The following RBFOX1 variants were observed in gnomAD, a reference collection of about 807,000 sequenced individuals.
The protein encoded by RBFOX1 is RNA binding fox-1 homolog 1.
A neutral mutation model predicts 57.7 loss-of-function variants in RBFOX1; 8 were observed. That is an observed-to-expected ratio of 0.14 (90% CI 0.08 to 0.25). RBFOX1 has a LOEUF of 0.25. RBFOX1 is among the 10% of genes least tolerant of loss of function. The pLI is 1.00. For synonymous variants in RBFOX1, 326 were observed against 222.4 expected, an observed-to-expected ratio of 1.47 and a Z score of -4.15; for missense variants, 611 against 548.5, an observed-to-expected ratio of 1.11 and a Z score of -1.14.
intron 4 of RBFOX1, among the ~76,000 whole-genome samples, chr16:7,079,201 G>A (rs116668047): frequency 6.6e-6 from 1 of 152,028 alleles, no homozygotes; most frequent in African/African-American, 2.4e-5. Context: ...CACCATCCAG[G>A]CGCGGGACTG....
In RBFOX1 at chr16:7,155,370, A is replaced by G. The variant is rs553539023; in HGVS notation, c.27+103272A>G. 9.2e-5 allele frequency among the ~76,000 whole-genome samples: 14 copies of G among 152,130 alleles called. No homozygotes were observed. The South Asian group carries it at 2.9e-3, about 32-fold the overall frequency. ...TTTGGGAGGTCGAGTTCAGTGGGTCACTTAAGCCAGGAGTTCAAAACCAGC... is the reference window on the plus strand; with the variant it reads ...TTTGGGAGGTCGAGTTCAGTGGGTCGCTTAAGCCAGGAGTTCAAAACCAGC... On this transcript the variant is annotated intron_variant, in intron 4 of 15. Coordinates refer to ENST00000550418, the MANE Select transcript of RBFOX1 (RefSeq NM_018723.4).
downstream of RBFOX1, among the ~76,000 whole-genome samples, chr16:5,600,318 A>G (rs962687468): frequency 1.3e-5 from 2 of 149,786 alleles, no homozygotes; most frequent in South Asian, 2.1e-4. Flanking sequence ...AAAAAAAATA[A>G]AAAAAAAACA....
intron 3 of RBFOX1, among the ~76,000 whole-genome samples, chr16:6,996,708 T>C (rs2092283091): frequency 6.6e-6 from 1 of 152,216 alleles, no homozygotes; most frequent in African/African-American, 2.4e-5. Flanking sequence ...CAATTGATAA[T>C]GCAGTGCTTC....
At chr16:6,441,679 A>G (rs1432058624) in intron 2 of RBFOX1, among the ~76,000 whole-genome samples, 1 of 152,054 alleles carries the variant, frequency 6.6e-6, no homozygotes, top group Non-Finnish European at 1.5e-5. Flanking sequence ...TGGCCTCTCA[A>G]AGTGCTCGGA....
At chr16:5,396,051 C>T (rs551452605) in intron 1 of RBFOX1, among the ~76,000 whole-genome samples, 2 of 152,298 alleles carry the variant, frequency 1.3e-5, no homozygotes, top group Admixed American at 6.5e-5. Context: ...CTAAGCCATG[C>T]CTAGACCTGT....
chr16:7,225,905 A>AATAAATATATATATATATATATATATAT (rs66510060), intron 4 of RBFOX1, among the ~76,000 whole-genome samples: 3 of 93,726 alleles, frequency 3.2e-5, no homozygotes, highest in African/African-American at 1.4e-4. Flanking sequence ...AAGTATAATA[A>AATAAATATATATATATATATATATATAT]ATATATATAT....
chr16:5,680,819 C>A (rs2050309071), intron 3 of RBFOX1, among the ~76,000 whole-genome samples: 2 of 152,210 alleles, frequency 1.3e-5, no homozygotes, highest in South Asian at 2.1e-4. Context: ...CTCTATGTCC[C>A]AGGCATAGTT....
intron 1 of RBFOX1, among the ~76,000 whole-genome samples, chr16:6,062,018 G>A (rs758967298): frequency 7.9e-5 from 12 of 152,118 alleles, no homozygotes; most frequent in Non-Finnish European, 1.5e-4. Context: ...TGATCGAGTG[G>A]CTTATAGAAC....
intron 1 of RBFOX1, among the ~76,000 whole-genome samples, chr16:6,235,601 TG>T (rs779685954): frequency 7.9e-5 from 12 of 151,238 alleles, no homozygotes; most frequent in Non-Finnish European, 1.6e-4. Context: ...TGTGTATACA[TG>T]ATGGGATATT....
chr16:6,296,657 T>A (rs2078151259), intron 1 of RBFOX1, among the ~76,000 whole-genome samples: 1 of 152,178 alleles, frequency 6.6e-6, no homozygotes, highest in South Asian at 2.1e-4. Flanking sequence ...CCTGACCTTG[T>A]GATCCACCTG....
chr16:5,935,252 C>G lies in RBFOX1; in HGVS notation c.351+67917C>G, dbSNP rs879423410. On this transcript the variant is annotated intron_variant, in intron 4 of 19. Transcript: ENST00000641259. ...GTGAGGTTAACAGATCAGGAAGTAT[C>G]TGCCATTGAAAAGATTGTTACTCAT... Among the ~76,000 whole-genome samples the G allele has an allele frequency of 7.9e-5, 12 of 152,178 alleles. No homozygotes were observed. In the East Asian group the frequency reaches 2.1e-3, roughly 27 times the overall value.
intron 4 of RBFOX1, among the ~76,000 whole-genome samples, chr16:7,387,483 G>T (rs8049753): frequency 0.45 from 68,811 of 151,938 alleles, 15,806 homozygotes; most frequent in East Asian, 0.55. Flanking sequence ...TAGCTGTCAG[G>T]ATTGTATCTC....
At chr16:7,704,089 G>C in intron 14 of RBFOX1, among the ~76,000 whole-genome samples, 1 of 152,192 alleles carries the variant, frequency 6.6e-6, no homozygotes, top group East Asian at 1.9e-4. Context: ...AAATGAGGAA[G>C]ATGAGGCTCA....
intron 2 of RBFOX1, among the ~76,000 whole-genome samples, chr16:6,365,092 C>CT (rs1258468346): frequency 3.7e-5 from 3 of 81,900 alleles, no homozygotes; most frequent in African/African-American, 2.7e-4. Flanking sequence ...GGGATTCACC[C>CT]TTAAAAAAAA....
intron 14 of RBFOX1, among the ~76,000 whole-genome samples, chr16:7,702,979 C>T (rs1373430957): frequency 6.6e-6 from 1 of 152,128 alleles, no homozygotes; most frequent in Non-Finnish European, 1.5e-5. Flanking sequence ...ACCTGGTGCC[C>T]CAGAGCACCC....
intron 4 of RBFOX1, among the ~76,000 whole-genome samples, chr16:7,360,374 G>T (rs1489884560): frequency 6.6e-6 from 1 of 152,172 alleles, no homozygotes; most frequent in Non-Finnish European, 1.5e-5. Flanking sequence ...CTTCATATGT[G>T]GCTGAAATAA....
chr16:5,761,614 C>G (rs543170428), intron 3 of RBFOX1, among the ~76,000 whole-genome samples: 1 of 152,120 alleles, frequency 6.6e-6, no homozygotes, highest in East Asian at 1.9e-4. Flanking sequence ...CTCGTGAGAA[C>G]TCACTATCAC....
intron 9 of RBFOX1, among the ~76,000 whole-genome samples, chr16:7,597,841 T>A (rs2094788411): frequency 6.6e-6 from 1 of 152,202 alleles, no homozygotes. Context: ...TGTCTTTGAG[T>A]CTTCTCCAGA....
chr16:7,318,916 T>G (rs980945898), intron 4 of RBFOX1, among the ~76,000 whole-genome samples: 1 of 152,100 alleles, frequency 6.6e-6, no homozygotes, highest in African/African-American at 2.4e-5. Context: ...GGTAGGCAGA[T>G]GAGCACACCA....
Sources: gnomAD v4.1 joint callset for allele counts (sites outside exome capture counted in the v4.1 genomes callset) on GRCh38, gnomAD v4.1.1 for gene constraint, MANE v1.5 for transcripts, NCBI Gene and HGNC (gene_info 2026-07-23, HGNC 2026-07-21) for gene names.